Variants in UNC13B observed in about 807,000 individuals in gnomAD.
The protein encoded by UNC13B is protein unc-13 homolog B.
In UNC13B, 144 loss-of-function variants were observed where a neutral mutation model predicts 211.0. The ratio of observed to expected loss-of-function variants is 0.68; its 90% CI spans 0.60 to 0.78. The LOEUF is 0.78. UNC13B is among the 30% of genes least tolerant of loss of function. The pLI is 0.00. For missense variants in UNC13B, 1,777 were observed against 2,002.0 expected (o/e 0.89, Z 2.14); for synonymous variants, 709 against 725.8 (o/e 0.98, Z 0.37).
chr9:35,242,275 T>C (rs1038130159), intron 5 of UNC13B, among the ~76,000 whole-genome samples: 1 of 152,204 alleles, frequency 6.6e-6, no homozygotes, highest in Non-Finnish European at 1.5e-5. Context: ...ATAGCTTCTT[T>C]TAAAAAATTT....
chr9:35,350,513 G>C (rs1276652900), intron 11 of UNC13B, among the ~76,000 whole-genome samples: 5 of 152,134 alleles, frequency 3.3e-5, no homozygotes, highest in African/African-American at 1.2e-4. Context: ...GCTGCAGCAA[G>C]CCCTTAGAGA....
intron 11 of UNC13B, among the ~76,000 whole-genome samples, chr9:35,340,755 T>G (rs752486413): frequency 9.2e-5 from 14 of 152,194 alleles, no homozygotes; most frequent in Non-Finnish European, 1.9e-4. Flanking sequence ...TACTGGCTGA[T>G]CGAGCTCTAT....
rs183260728 is a variant in UNC13B at position 35,302,767 on chromosome 9, C to T, written c.3363C>T (p.Ser1121=). Residue 1121 remains serine (S), a synonymous_variant, in exon 9 of 40, where the codon TCC becomes TCT. Transcript: ENST00000635942. ...DSSLECISTT[S]KSTLVNEINE... ...CATTAGAGTGTATTTCTACCACTTC[C>T]AAATCCACTTTGGTTAATGAAATTA... is the stretch of plus-strand genomic sequence containing the variant. 8 of 398,596 alleles carry T rather than the reference C, an allele frequency of 2.0e-5. No individual in the cohort carries two copies. The Admixed American group carries it at 2.2e-4, about 11-fold the overall frequency. 24.7% of individuals were successfully genotyped at this position (398,596 alleles called of 1,614,324 possible). A position where few individuals can be genotyped will look rare whatever the true frequency, so the allele number is the denominator to read the frequency against.
At chr9:35,192,292 A>G (rs931661059) in intron 1 of UNC13B, among the ~76,000 whole-genome samples, 2 of 152,204 alleles carry the variant, frequency 1.3e-5, no homozygotes, top group East Asian at 1.9e-4. Context: ...TTCCCTTCCT[A>G]TCGACAATGA....
chr9:35,370,308 C>T lies in UNC13B; in HGVS notation c.9462-10C>T. ...ACTGACGGTCCTGACATATTTTCTT[C>T]TCTCCTCAGGCCAGCCGGAGGGCTC... On this transcript the variant is annotated splice_polypyrimidine_tract_variant and intron_variant, in intron 12 of 39. Transcript: ENST00000635942. The T allele has an allele frequency of 6.2e-7, 1 of 1,613,402 alleles. No individual in the cohort carries two copies. Among genetic ancestry groups the T allele is most frequent in the South Asian group, 1.1e-5 (1 of 91,002 alleles).
intron 1 of UNC13B, among the ~76,000 whole-genome samples, chr9:35,187,987 A>G (rs1403043489): frequency 1.3e-5 from 2 of 152,240 alleles, no homozygotes; most frequent in African/African-American, 4.8e-5. Flanking sequence ...TCACAAGAGT[A>G]TAACTTACTC....
At chr9:35,174,608 C>T (rs1212011843) in intron 1 of UNC13B, among the ~76,000 whole-genome samples, 4 of 150,454 alleles carry the variant, frequency 2.7e-5, no homozygotes, top group East Asian at 2.0e-4. Flanking sequence ...AGTGCAGTGG[C>T]ACGATCTTGG....
rs1156612226 is a variant in UNC13B at position 35,336,122 on chromosome 9, C to G, written c.9414+22133C>G. On this transcript the variant is annotated intron_variant, in intron 11 of 39. Coordinates refer to ENST00000635942, the MANE Select transcript of UNC13B (RefSeq NM_001371189.2). ...TAGTTAATCTCATCCATGTCCTAAC[C>G]TGTAACTGATAAATCCCAAATTACT... is the stretch of plus-strand genomic sequence containing the variant. Among the ~76,000 whole-genome samples the G allele has an allele frequency of 2.6e-5, 4 of 152,160 alleles. No homozygotes were observed. In the East Asian group the frequency reaches 5.8e-4, roughly 22 times the overall value.
chr9:35,387,666 T>C (rs546292792), intron 24 of UNC13B, among the ~76,000 whole-genome samples: 1 of 152,352 alleles, frequency 6.6e-6, no homozygotes, highest in East Asian at 1.9e-4. Flanking sequence ...TTATTCCATA[T>C]TTACACTGGC....
intron 1 of UNC13B, among the ~76,000 whole-genome samples, chr9:35,201,094 CAT>C (rs1187559761): frequency 1.3e-5 from 2 of 151,922 alleles, no homozygotes; most frequent in African/African-American, 4.9e-5. Context: ...TTGAGATAAT[CAT>C]GTGGTTTTTG....
At chr9:35,380,057 T>G (rs928299249) in intron 17 of UNC13B, among the ~76,000 whole-genome samples, 8 of 152,182 alleles carry the variant, frequency 5.3e-5, no homozygotes, top group South Asian at 4.1e-4. Flanking sequence ...GGGCCTACCA[T>G]GAACATGTCT....
At chr9:35,241,526 G>C (rs1027143439) in intron 5 of UNC13B, among the ~76,000 whole-genome samples, 1 of 151,048 alleles carries the variant, frequency 6.6e-6, no homozygotes, top group African/African-American at 2.4e-5. Context: ...ACTTTCTTGT[G>C]TATCTTTCCA....
chr9:35,345,128 G>A (rs1386019691), intron 11 of UNC13B, among the ~76,000 whole-genome samples: 6 of 152,136 alleles, frequency 3.9e-5, no homozygotes, highest in Admixed American at 2.0e-4. Flanking sequence ...TCCTGCACTC[G>A]TATCTTTTTC....
chr9:35,182,207 A>T (rs532593977), intron 1 of UNC13B, among the ~76,000 whole-genome samples: 3 of 152,280 alleles, frequency 2.0e-5, no homozygotes, highest in Non-Finnish European at 4.4e-5. Context: ...TTATAAAACC[A>T]TCAGTTTTCT....
Position 35,398,840 on chromosome 9 carries a change from G to C in UNC13B, c.11922-42G>C, listed in dbSNP as rs374455369. ...GCTGGTGCCGCTCCAGGGACAGTGT[G>C]TGTTTGGGGAGGGAAAGGCTACACT... On this transcript the variant is annotated intron_variant, in intron 32 of 39. Transcript: ENST00000635942. The C allele has an allele frequency of 1.5e-5, 24 of 1,600,140 alleles. No homozygotes were observed. The African/African-American group carries it at 2.8e-4, about 19-fold the overall frequency.
intron 30 of UNC13B, among the ~76,000 whole-genome samples, 153 bp downstream of exon 30, chr9:35,397,865 G>A (rs541294656): frequency 3.3e-5 from 5 of 152,210 alleles, no homozygotes; most frequent in African/African-American, 7.2e-5. Flanking sequence ...ACAAAATTAC[G>A]AGAACTTGAC....
chr9:35,342,834 T>C (rs949087333), intron 11 of UNC13B, among the ~76,000 whole-genome samples: 1 of 152,242 alleles, frequency 6.6e-6, no homozygotes, highest in Non-Finnish European at 1.5e-5. Flanking sequence ...TGTACTCAAG[T>C]AACCTTTCTG....
chr9:35,376,390 G>A, intron 15 of UNC13B, 143 bp downstream of exon 15: 2 of 869,728 alleles, frequency 2.3e-6, no homozygotes, highest in Non-Finnish European at 3.5e-6. Context: ...AGAGAAGGTA[G>A]GATTCTGAAT....
At chr9:35,393,159 A>C (rs1835647078) in intron 26 of UNC13B, among the ~76,000 whole-genome samples, 1 of 152,204 alleles carries the variant, frequency 6.6e-6, no homozygotes, top group Non-Finnish European at 1.5e-5. Context: ...GCAGTCTAGA[A>C]AACAGTCGTA....
Sources: allele counts gnomAD v4.1 joint callset (sites outside exome capture counted in the v4.1 genomes callset), GRCh38; gene constraint gnomAD v4.1.1; transcripts MANE v1.5; gene names NCBI Gene and HGNC (gene_info 2026-07-23, HGNC 2026-07-21).